Variants in ANKRD45 observed in about 807,000 individuals in gnomAD.
The protein encoded by ANKRD45 is ankyrin repeat domain-containing protein 45.
ANKRD45 carries 21 observed loss-of-function variants against 28.1 expected under a neutral mutation model. That is an observed-to-expected ratio of 0.75 (90% CI 0.53 to 1.08). The LOEUF is 1.08. Among genes scored for constraint, ANKRD45 ranks in the 50% least tolerant of loss-of-function variants. The pLI is 0.00. For missense variants in ANKRD45, 261 were observed against 308.7 expected, an observed-to-expected ratio of 0.85 and a Z score of 1.16; for synonymous variants, 86 against 103.9, an observed-to-expected ratio of 0.83 and a Z score of 1.05.
At chr1:173,714,054 C>T in the ANKRD45 span, among the ~76,000 whole-genome samples, 1 of 152,146 alleles carries the variant, frequency 6.6e-6, no homozygotes, top group African/African-American at 2.4e-5. Flanking sequence ...GGTATCCTTT[C>T]CCCTCAGAAA....
the ANKRD45 span, among the ~76,000 whole-genome samples, chr1:173,696,833 C>T: frequency 6.6e-6 from 1 of 152,048 alleles, no homozygotes; most frequent in South Asian, 2.1e-4. Flanking sequence ...GTTGACAGAA[C>T]TAGGCTTCAG....
At chr1:173,628,738 G>C (rs910574334) in intron 3 of ANKRD45, among the ~76,000 whole-genome samples, 6 of 152,158 alleles carry the variant, frequency 3.9e-5, no homozygotes, top group African/African-American at 1.4e-4. Flanking sequence ...CGCATGCCTG[G>C]CTGTATTTGC....
chr1:173,695,876 T>C, the ANKRD45 span, among the ~76,000 whole-genome samples: 1 of 152,110 alleles, frequency 6.6e-6, no homozygotes, highest in African/African-American at 2.4e-5. Context: ...ACAAGGAAAT[T>C]CCCACCCAGT....
the ANKRD45 span, among the ~76,000 whole-genome samples, chr1:173,687,318 T>C: frequency 2.0e-5 from 3 of 152,210 alleles, no homozygotes; most frequent in Non-Finnish European, 4.4e-5. Context: ...TAATTTTTTT[T>C]CCTGACTTTC....
Position 173,610,032 on chromosome 1 carries a change from G to T in ANKRD45, c.*113C>A. On this transcript the variant is annotated 3_prime_UTR_variant, in exon 6 of 6. Coordinates refer to ENST00000333279, the MANE Select transcript of ANKRD45 (RefSeq NM_198493.3). Reference sequence around the variant, plus strand: ...TCAAACAAAACAAGGGCGATGTAATGTTGTACTTAAATACTTAAAGAAACC... The same window carrying T: ...TCAAACAAAACAAGGGCGATGTAATTTTGTACTTAAATACTTAAAGAAACC... The T allele has an allele frequency of 9.2e-7, 1 of 1,092,004 alleles. No homozygotes were observed. The allele number at this position is 1,092,004 out of a possible 1,614,324, so 67.6% of individuals were successfully genotyped here. A position where few individuals can be genotyped will look rare whatever the true frequency, so the allele number is the denominator to read the frequency against.
chr1:173,656,374 G>A (rs574426952), intron 2 of ANKRD45, among the ~76,000 whole-genome samples: 1 of 152,182 alleles, frequency 6.6e-6, no homozygotes, highest in African/African-American at 2.4e-5. Context: ...TTGGGATATT[G>A]GTCTTATGTT....
the ANKRD45 span, among the ~76,000 whole-genome samples, chr1:173,707,196 T>C: frequency 6.6e-6 from 1 of 152,182 alleles, no homozygotes; most frequent in Non-Finnish European, 1.5e-5. Context: ...TATGATATAT[T>C]AATATATTGC....
In ANKRD45 at chr1:173,608,761, C is replaced by T. The variant is rs538184385; in HGVS notation, c.*1384G>A. Among the ~76,000 whole-genome samples, 472 of 139,774 alleles carry T rather than the reference C, an allele frequency of 3.4e-3. 2 individuals are homozygous for T. Among genetic ancestry groups the T allele is most frequent in the African/African-American group, 0.012 (444 of 36,682 alleles). 91.7% of individuals were successfully genotyped at this position (139,774 alleles called of 152,430 possible). A position where few individuals can be genotyped will look rare whatever the true frequency, so the allele number is the denominator to read the frequency against. ...GAGGCAGACCCTGTCAAGAAGGTTG[C>T]GGGGGTGGAGAGAGAGAGAGAGATA... On this transcript the variant is annotated 3_prime_UTR_variant, in exon 6 of 6. Transcript: ENST00000333279.
intron 5 of ANKRD45, among the ~76,000 whole-genome samples, chr1:173,620,369 A>T (rs140885810): frequency 0.011 from 1,729 of 152,354 alleles, 43 homozygotes; most frequent in African/African-American, 0.04. Flanking sequence ...AAATACTGAA[A>T]TTAAGGCAGA....
intron 2 of ANKRD45, among the ~76,000 whole-genome samples, chr1:173,656,671 A>T (rs932029315): frequency 1.1e-4 from 17 of 152,122 alleles, no homozygotes; most frequent in Admixed American, 1.0e-3. Flanking sequence ...GAGCTCATAA[A>T]AGCTGGCTCT....
chr1:173,634,050 A>G (rs543359823), intron 3 of ANKRD45, among the ~76,000 whole-genome samples: 1 of 152,198 alleles, frequency 6.6e-6, no homozygotes, highest in East Asian at 1.9e-4. Context: ...TGAAGAGGCA[A>G]CCCACAGAAT....
chr1:173,688,669 CCTCT>C, the ANKRD45 span, among the ~76,000 whole-genome samples: 19 of 140,906 alleles, frequency 1.3e-4, 1 homozygote, highest in South Asian at 9.0e-4. Context: ...CTGCCTCTTT[CCTCT>C]CTCTCTTTCT....
the ANKRD45 span, among the ~76,000 whole-genome samples, chr1:173,700,623 A>G: frequency 0.027 from 4,058 of 152,352 alleles, 194 homozygotes; most frequent in African/African-American, 0.093. Context: ...AGCCATATGT[A>G]GAAACCTGAA....
At chr1:173,701,637 G>A in the ANKRD45 span, among the ~76,000 whole-genome samples, 8 of 152,152 alleles carry the variant, frequency 5.3e-5, no homozygotes, top group Non-Finnish European at 1.0e-4. Context: ...CCTGGACACA[G>A]GGCAGGGTAC....
At chr1:173,712,995 ACCTT>A in the ANKRD45 span, among the ~76,000 whole-genome samples, 1 of 152,194 alleles carries the variant, frequency 6.6e-6, no homozygotes, top group African/African-American at 2.4e-5. Flanking sequence ...ACTGAATTGG[ACCTT>A]CATTGATCAA....
the ANKRD45 span, among the ~76,000 whole-genome samples, chr1:173,698,961 T>C: frequency 1.3e-5 from 2 of 150,230 alleles, no homozygotes; most frequent in African/African-American, 2.4e-5. Context: ...AACAATCAAA[T>C]AGATGCAATA....
At chr1:173,704,699 G>A in the ANKRD45 span, among the ~76,000 whole-genome samples, 1 of 152,178 alleles carries the variant, frequency 6.6e-6, no homozygotes, top group Non-Finnish European at 1.5e-5. Flanking sequence ...TTGCTAGCCT[G>A]GAAGCAGGTG....
chr1:173,670,445 A>G (rs887207078), upstream of ANKRD45, among the ~76,000 whole-genome samples: 1 of 152,244 alleles, frequency 6.6e-6, no homozygotes, highest in African/African-American at 2.4e-5. Flanking sequence ...CACACAGTGA[A>G]AACAGGGAAG....
the ANKRD45 span, among the ~76,000 whole-genome samples, chr1:173,706,335 G>A: frequency 2.1e-5 from 3 of 144,998 alleles, no homozygotes; most frequent in Admixed American, 2.1e-4. Context: ...TCCTTGTTTT[G>A]TTTTGCTTTT....
Sources: gnomAD v4.1 joint callset for allele counts (sites outside exome capture counted in the v4.1 genomes callset) on GRCh38, gnomAD v4.1.1 for gene constraint, MANE v1.5 for transcripts, NCBI Gene and HGNC (gene_info 2026-07-23, HGNC 2026-07-21) for gene names.